The following MAP4 variants were observed in gnomAD, a reference collection of about 807,000 sequenced individuals.
The protein encoded by MAP4 is microtubule-associated protein 4.
MAP4 carries 76 observed loss-of-function variants against 170.2 expected under a neutral mutation model. That is an observed-to-expected ratio of 0.45 (90% CI 0.37 to 0.54). The LOEUF is 0.54. Among genes scored for constraint, MAP4 ranks in the 20% least tolerant of loss-of-function variants. The pLI is 0.00. For missense variants in MAP4, 2,506 were observed against 2,748.0 expected, an observed-to-expected ratio of 0.91 and a Z score of 1.97; for synonymous variants, 909 against 994.5, an observed-to-expected ratio of 0.91 and a Z score of 1.62.
At chr3:48,050,841 G>A (rs2100127384) in intron 1 of MAP4, among the ~76,000 whole-genome samples, 1 of 151,022 alleles carries the variant, frequency 6.6e-6, no homozygotes. Flanking sequence ...GGAGGCAGAG[G>A]TTGCGGTGAG....
chr3:47,933,567 A>G (rs1249392366), intron 3 of MAP4, among the ~76,000 whole-genome samples: 1 of 150,486 alleles, frequency 6.6e-6, no homozygotes, highest in East Asian at 1.9e-4. Context: ...CCTGCCAAGT[A>G]GCTGGGACTA....
chr3:48,039,095 C>T (rs2100120322), intron 1 of MAP4, among the ~76,000 whole-genome samples: 1 of 151,898 alleles, frequency 6.6e-6, no homozygotes, highest in Non-Finnish European at 1.5e-5. Context: ...CAGAGGGAAA[C>T]TCTGTCTCAA....
intron 17 of MAP4, among the ~76,000 whole-genome samples, chr3:47,859,792 T>C (rs1365156172): frequency 6.6e-6 from 1 of 152,214 alleles, no homozygotes; most frequent in Non-Finnish European, 1.5e-5. Context: ...ATTTTTTTCT[T>C]TTCTCCTCAA....
rs1163894451 is a variant in MAP4 at position 47,911,307 on chromosome 3, G to T, written c.3114C>A (p.Gly1038=). ...ISIFTSEQLQ[G]QVLVQVPGVE... is the part of the protein sequence containing the mutation. ...CCCCAGGGACCTGTACCAACACTTG[G>T]CCCTGCAGCTGCTCAGAAGTAAAGA... The change falls in exon 9 of 21, where the codon GGC becomes GGA. Residue 1038 remains glycine (G), a synonymous_variant. Transcript: ENST00000683076. The surrounding 1 kb of genome is among the most constrained non-coding windows in gnomAD (Gnocchi z 4.0). 6.5e-7 allele frequency: 1 copy of T among 1,536,042 alleles called. No individual in the cohort carries two copies. The highest frequency in any genetic ancestry group is 8.7e-7 in the Non-Finnish European group (1 of 1,146,896).
At chr3:47,924,099 C>CT (rs1277492232) in intron 4 of MAP4, among the ~76,000 whole-genome samples, 1 of 152,202 alleles carries the variant, frequency 6.6e-6, no homozygotes, top group Non-Finnish European at 1.5e-5. Flanking sequence ...TAATTTTTTA[C>CT]TGGGTGCCTA....
intron 1 of MAP4, among the ~76,000 whole-genome samples, chr3:48,079,866 C>G (rs528425482): frequency 6.6e-6 from 1 of 151,692 alleles, no homozygotes; most frequent in South Asian, 2.1e-4. Flanking sequence ...AGGAGCATGG[C>G]GTGAACCCGG....
At position 47,926,744 on chromosome 3, in the gene MAP4, C is replaced by T. The variant is rs191199672; in HGVS notation, c.415+1484G>A. Among the ~76,000 whole-genome samples, 293 of 152,208 alleles carry T rather than the reference C, an allele frequency of 1.9e-3. 4 individuals carry two copies. The East Asian group carries it at 0.021, about 11-fold the overall frequency. On this transcript the variant is annotated intron_variant, in intron 4 of 20. Coordinates refer to ENST00000683076, the MANE Select transcript of MAP4 (RefSeq NM_001385682.1). ...AGAGACAGAATCCCATTATGTTGTT[C>T]AGGCTGGTCTCAAACTCTTGGCCTC...
chr3:47,870,826 G>A lies in MAP4; in HGVS notation c.6281C>T (p.Pro2094Leu). The A allele has an allele frequency of 6.4e-7, 1 of 1,570,438 alleles. No homozygotes were observed. The highest frequency in any genetic ancestry group is 8.7e-7 in the Non-Finnish European group (1 of 1,155,646). ...VGSTENIKHQ[P>L]GGGRAKVEKK... Reference sequence around the variant, plus strand: ...CCCTGGACCCACCCGGCCTCCTCCAGGCTGATGCTTGATGTTTTCCGTGGA... The same window carrying A: ...CCCTGGACCCACCCGGCCTCCTCCAAGCTGATGCTTGATGTTTTCCGTGGA... The change falls in exon 15 of 21, where the codon CCT becomes CTT. Residue 2094 changes from proline (P) to leucine (L), a missense_variant. This residue lies in a region of MAP4 where 487 missense variants were observed against 511.6 expected (regional missense o/e 0.95). Transcript: ENST00000683076.
In MAP4 at chr3:48,014,170, T is replaced by G. The variant is rs564446015; in HGVS notation, c.-20+2164A>C. 5.3e-5 allele frequency among the ~76,000 whole-genome samples: 8 copies of G among 152,340 alleles called. 1 individual carries two copies. The South Asian group carries it at 1.7e-3, about 32-fold the overall frequency. On this transcript the variant is annotated intron_variant, in intron 1 of 20. Transcript: ENST00000683076. ...GTTCACAAACTCTGGAATTAATTACTGTACTAAAAATATTTTACAGGTCTA... is the reference window on the plus strand; with the variant it reads ...GTTCACAAACTCTGGAATTAATTACGGTACTAAAAATATTTTACAGGTCTA...
intron 1 of MAP4, among the ~76,000 whole-genome samples, chr3:48,025,936 T>TAATAATAATAACAAC (rs796434506): frequency 6.8e-6 from 1 of 147,530 alleles, no homozygotes; most frequent in African/African-American, 2.5e-5. Context: ...ATAATAATAA[T>TAATAATAATAACAAC]AACAATAATA....
intron 1 of MAP4, among the ~76,000 whole-genome samples, chr3:48,011,614 C>G (rs763109039): frequency 2.0e-5 from 3 of 151,524 alleles, no homozygotes; most frequent in Non-Finnish European, 4.4e-5. Flanking sequence ...TTACAACAGA[C>G]GAATGTGGGT....
chr3:47,949,825 C>T (rs970512573), intron 3 of MAP4, among the ~76,000 whole-genome samples: 3 of 152,194 alleles, frequency 2.0e-5, no homozygotes, highest in Non-Finnish European at 4.4e-5. Flanking sequence ...TCTTCTTTCT[C>T]CCGTGGCCTC....
Position 47,855,550 on chromosome 3 carries a change from C to T in MAP4, c.6584-190G>A, listed in dbSNP as rs1373187824. On this transcript the variant is annotated intron_variant, in intron 18 of 20. Transcript: ENST00000683076. This position sits in a 1 kb window ranked among gnomAD's most constrained non-coding sequence, Gnocchi z 5.1. The stretch of plus-strand genomic sequence containing the variant: ...CACAGTGAGGCTGAGACAATCTCTC[C>T]GTCCAGCCAGTGGGAATACCTCCAA... 1.3e-5 allele frequency among the ~76,000 whole-genome samples: 2 copies of T among 152,196 alleles called. No homozygotes were observed. Among genetic ancestry groups the T allele is most frequent in the South Asian group, 2.1e-4 (1 of 4,826 alleles).
intron 1 of MAP4, among the ~76,000 whole-genome samples, chr3:48,044,191 G>C (rs1012254856): frequency 6.8e-6 from 1 of 147,706 alleles, no homozygotes. Context: ...GTCTCACTCT[G>C]TTGCCCAGGC....
At position 47,916,187 on chromosome 3, in the gene MAP4, T is replaced by C; in HGVS notation, c.1640A>G (p.Asp547Gly). 6.2e-7 allele frequency: 1 copy of C among 1,614,204 alleles called. No homozygotes were observed. Among genetic ancestry groups the C allele is most frequent in the South Asian group, 1.1e-5 (1 of 91,086 alleles). ...TTCTGTTTTGAGGGCTGGGACCTGATCCTCAGTCAGGGCCACCTCCATTTC... is the reference window on the plus strand; with the variant it reads ...TTCTGTTTTGAGGGCTGGGACCTGACCCTCAGTCAGGGCCACCTCCATTTC... The part of the protein sequence containing the change: ...PPEMEVALTE[D>G]QVPALKTEAP... Residue 547 changes from aspartate (D) to glycine (G), a missense_variant, in exon 7 of 21, where the codon GAT becomes GGT. By Grantham distance (94) the Asp-to-Gly change is moderately conservative (BLOSUM62 -1). This residue lies in a region of MAP4 where 2,008 missense variants were observed against 2,206.0 expected (regional missense o/e 0.91). Transcript: ENST00000683076.
At position 47,863,534 on chromosome 3, in the gene MAP4, A is replaced by G. The variant is rs1356886656; in HGVS notation, c.6501+3712T>C. 3.3e-5 allele frequency among the ~76,000 whole-genome samples: 5 copies of G among 151,900 alleles called. 1 individual carries two copies. The highest frequency in any genetic ancestry group is 7.4e-5 in the Non-Finnish European group (5 of 67,986). The stretch of plus-strand genomic sequence containing the variant: ...CACGCTGGCTCTCTGTGGTCCTAGG[A>G]GCAATCACGGCATCACACACCTTGC... On this transcript the variant is annotated intron_variant, in intron 17 of 20. Transcript: ENST00000683076.
At chr3:47,945,607 T>C (rs766352067) in intron 3 of MAP4, among the ~76,000 whole-genome samples, 1 of 152,142 alleles carries the variant, frequency 6.6e-6, no homozygotes, top group African/African-American at 2.4e-5. Context: ...GGTATTCTTA[T>C]GAGTTTTTCT....
At chr3:48,025,651 C>A (rs1277726785) in intron 1 of MAP4, among the ~76,000 whole-genome samples, 1 of 151,870 alleles carries the variant, frequency 6.6e-6, no homozygotes, top group Non-Finnish European at 1.5e-5. Flanking sequence ...ATAATCCCAG[C>A]ACTTTGGGCG....
At chr3:47,892,566 G>GT in intron 10 of MAP4, 7 of 1,445,728 alleles carry the variant, frequency 4.8e-6, no homozygotes, top group Non-Finnish European at 6.3e-6. Context: ...AGAGCTTGCA[G>GT]TGACATCACA....
Sources: allele counts gnomAD v4.1 joint callset (sites outside exome capture counted in the v4.1 genomes callset), GRCh38; gene constraint gnomAD v4.1.1; regional missense constraint gnomAD v4.1.1; non-coding constraint Gnocchi (gnomAD v3.1); transcripts MANE v1.5; gene names NCBI Gene and HGNC (gene_info 2026-07-23, HGNC 2026-07-21).